The following FOXRED1 variants were observed in gnomAD, a reference collection of about 807,000 sequenced individuals.
FOXRED1 encodes FAD dependent oxidoreductase domain containing 1.
A neutral mutation model predicts 57.8 loss-of-function variants in FOXRED1; 52 were observed. That is an observed-to-expected ratio of 0.90 (90% confidence interval 0.72 to 1.13). FOXRED1 has a LOEUF of 1.13. Ranked by LOEUF, FOXRED1 falls within the 50% of genes most tolerant of loss-of-function variation. The pLI, the probability that FOXRED1 is intolerant of heterozygous loss-of-function variation, is 0.00. For missense variants in FOXRED1, 589 were observed against 625.2 expected (o/e 0.94, Z 0.62); for synonymous variants, 271 against 248.3 (o/e 1.09, Z -0.86).
At chr11:126,270,538 C>A (rs1235150360) in intron 1 of FOXRED1, among the ~76,000 whole-genome samples, 1 of 152,086 alleles carries the variant, frequency 6.6e-6, no homozygotes, top group Admixed American at 6.6e-5. Flanking sequence ...ATTAACTAGG[C>A]AAGGAAGTGG....
At position 126,274,250 on chromosome 11, in the gene FOXRED1, TC is replaced by T. The variant is rs1210813839; in HGVS notation, c.537-674del. 6.2e-6 allele frequency: 1 copy of T among 161,322 alleles called. No individual in the cohort carries two copies. Among genetic ancestry groups the T allele is most frequent in the Non-Finnish European group, 1.4e-5 (1 of 72,884 alleles). The allele number at this position is 161,322 out of a possible 1,614,324, so 10.0% of individuals were successfully genotyped here. Reference sequence around the variant, plus strand: ...GCTATGCTGCCTTTGAGGGACAGTGTCCCAGAGGAGATACCTGTGCTCAGGA... The same window carrying T: ...GCTATGCTGCCTTTGAGGGACAGTGTCCAGAGGAGATACCTGTGCTCAGGA... On this transcript the variant is annotated intron_variant, in intron 4 of 10. Coordinates refer to ENST00000263578, the MANE Select transcript of FOXRED1 (RefSeq NM_017547.4). This position sits in a 1 kb window ranked among gnomAD's most constrained non-coding sequence, Gnocchi z 4.8.
At position 126,276,105 on chromosome 11, in the gene FOXRED1, T is replaced by G; in HGVS notation, c.857T>G (p.Ile286Ser). Residue 286 changes from isoleucine to serine, a missense_variant, in exon 8 of 11, where the codon ATT becomes AGT. Physicochemically the swap from Ile to Ser is moderately radical, Grantham distance 142. Transcript: ENST00000263578. ...SLEYQPVECAIVINAAGAWSA... is the reference protein window; with the variant it reads ...SLEYQPVECASVINAAGAWSA... ...GAGTACCAGCCTGTGGAATGCGCCA[T>G]TGTGATCAACGCAGCCGGAGCCTGG... 1 of 1,612,718 alleles carries G rather than the reference T, an allele frequency of 6.2e-7. No homozygotes were observed. The highest frequency in any genetic ancestry group is 1.1e-5 in the South Asian group (1 of 91,044).
At position 126,277,967 on chromosome 11, in the gene FOXRED1, A is replaced by G. The variant is rs1362880559; in HGVS notation, c.*278A>G. On this transcript the variant is annotated 3_prime_UTR_variant, in exon 11 of 11. Coordinates refer to ENST00000263578, the MANE Select transcript of FOXRED1 (RefSeq NM_017547.4). This position sits in a 1 kb window ranked among gnomAD's most constrained non-coding sequence, Gnocchi z 6.8. Reference sequence around the variant, plus strand: ...TCTGGAGGCCTGAGCACCCTGGCCCAGGACTGGCTTCATCCTGGCACTGAC... The same window carrying G: ...TCTGGAGGCCTGAGCACCCTGGCCCGGGACTGGCTTCATCCTGGCACTGAC... 1.6e-6 allele frequency: 1 copy of G among 628,900 alleles called. No individual in the cohort carries two copies. Among genetic ancestry groups the G allele is most frequent in the Non-Finnish European group, 2.9e-6 (1 of 339,210 alleles). 39.0% of individuals were successfully genotyped at this position (628,900 alleles called of 1,614,324 possible).
rs554655060 is a variant in FOXRED1 at position 126,276,209 on chromosome 11, C to T, written c.961C>T (p.Pro321Ser). The T allele has an allele frequency of 4.5e-5, 69 of 1,528,868 alleles. 2 individuals carry two copies. The South Asian group carries it at 7.9e-4, about 18-fold the overall frequency. The allele number at this position is 1,528,868 out of a possible 1,614,324, so 94.7% of individuals were successfully genotyped here. Residue 321 changes from proline (P) to serine (S), a missense_variant, in exon 8 of 11, where the codon CCG becomes TCG. Coordinates refer to ENST00000263578, the MANE Select transcript of FOXRED1 (RefSeq NM_017547.4). ...TLQGTKLPVE[P>S]RKRYVYVWHC... ...GCAGGGCACCAAGCTACCTGTGGAG[C>T]CGAGGAAAAGGTAACTGCCCTCCGG...
In FOXRED1 at chr11:126,275,855, G is replaced by A. The variant is rs768300149; in HGVS notation, c.795G>A (p.Arg265=). The change falls in exon 7 of 11, where the codon AGG becomes AGA. Residue 265 remains arginine, a synonymous_variant. Coordinates refer to ENST00000263578, the MANE Select transcript of FOXRED1 (RefSeq NM_017547.4). This position sits in a 1 kb window ranked among gnomAD's most constrained non-coding sequence, Gnocchi z 5.9. ...TTDDKAVVLK[R]IHEVHVKMDR... ...ATGACAAAGCGGTGGTCTTGAAAAGGATCCATGAAGTCCATGTAAGTTTCT... is the reference window on the plus strand; with the variant it reads ...ATGACAAAGCGGTGGTCTTGAAAAGAATCCATGAAGTCCATGTAAGTTTCT... 1.9e-6 allele frequency: 3 copies of A among 1,611,106 alleles called. No homozygotes were observed. In the South Asian group the frequency reaches 3.3e-5, roughly 18 times the overall value.
rs770490102 is a variant in FOXRED1 at position 126,277,051 on chromosome 11, G to A, written c.1102-20G>A. On this transcript the variant is annotated intron_variant, in intron 9 of 10. Coordinates refer to ENST00000263578, the MANE Select transcript of FOXRED1 (RefSeq NM_017547.4). The surrounding 1 kb of genome is among the most constrained non-coding windows in gnomAD (Gnocchi z 6.8). ...TTGTGTCCCAGGCAATGTAAGCGTT[G>A]TCCCCACCTCTCACTCCAGCAGGAA... 4.7e-6 allele frequency: 7 copies of A among 1,480,532 alleles called. No homozygotes were observed. The South Asian group carries it at 7.9e-5, about 17-fold the overall frequency. The allele number at this position is 1,480,532 out of a possible 1,614,324, so 91.7% of individuals were successfully genotyped here. A position where few individuals can be genotyped will look rare whatever the true frequency, so the allele number is the denominator to read the frequency against.
Position 126,275,947 on chromosome 11 carries a change from C to A in FOXRED1, c.810+77C>A. On this transcript the variant is annotated intron_variant, in intron 7 of 10. Transcript: ENST00000263578. The surrounding 1 kb of genome is among the most constrained non-coding windows in gnomAD (Gnocchi z 5.9). Reference sequence around the variant, plus strand: ...TAGTGACTCTCCTTGTTTTGGTTTTCTTTGACCCACTTTCCAGTATGGGTA... The same window carrying A: ...TAGTGACTCTCCTTGTTTTGGTTTTATTTGACCCACTTTCCAGTATGGGTA... 6.4e-7 allele frequency: 1 copy of A among 1,568,236 alleles called. No homozygotes were observed. The highest frequency in any genetic ancestry group is 8.8e-7 in the Non-Finnish European group (1 of 1,138,908).
chr11:126,272,995 A>T lies in FOXRED1; in HGVS notation c.333A>T (p.Ser111=). 3 of 1,600,892 alleles carry T rather than the reference A, an allele frequency of 1.9e-6. No individual in the cohort carries two copies. The highest frequency in any genetic ancestry group is 2.6e-6 in the Non-Finnish European group (3 of 1,167,822). Residue 111 remains serine, a synonymous_variant, in exon 3 of 11, where the codon TCA becomes TCT. Coordinates refer to ENST00000263578, the MANE Select transcript of FOXRED1 (RefSeq NM_017547.4). This position sits in a 1 kb window ranked among gnomAD's most constrained non-coding sequence, Gnocchi z 4.6. The part of the protein sequence containing the change: ...HTYSQASTGL[S]VGGICQQFSL... Reference sequence around the variant, plus strand: ...ATTCACAGGCCTCCACTGGGCTCTCAGTAGGTGGGATTTGTCAGCAGTTCT... The same window carrying T: ...ATTCACAGGCCTCCACTGGGCTCTCTGTAGGTGGGATTTGTCAGCAGTTCT...
In FOXRED1 at chr11:126,275,372, G is replaced by A. The variant is rs1386118231; in HGVS notation, c.677G>A (p.Gly226Glu). ...GWFDPWCLLQGLRRKVQSLGV... is the reference protein window; with the variant it reads ...GWFDPWCLLQELRRKVQSLGV... The stretch of plus-strand genomic sequence containing the variant: ...TTTGACCCCTGGTGTCTGCTCCAGG[G>A]GCTTCGGCGAAAGGTCCAGTCCTTG... The change falls in exon 6 of 11, where the codon GGG becomes GAG. Residue 226 changes from glycine to glutamate, a missense_variant. Transcript: ENST00000263578. This position sits in a 1 kb window ranked among gnomAD's most constrained non-coding sequence, Gnocchi z 5.9. The A allele has an allele frequency of 6.2e-7, 1 of 1,613,996 alleles. No homozygotes were observed. Among genetic ancestry groups the A allele is most frequent in the African/African-American group, 1.3e-5 (1 of 75,006 alleles).
At chr11:126,276,317 G>GGTTGGGGAGGGTGTGT in intron 8 of FOXRED1, 77 bp from the exon 9 acceptor site, 1 of 795,718 alleles carries the variant, frequency 1.3e-6, no homozygotes, top group Non-Finnish European at 1.8e-6. Context: ...GTGTGTGTGG[G>GGTTGGGGAGGGTGTGT]GTGTGGGGTG....
rs1163555617 is a variant in FOXRED1 at position 126,275,636 on chromosome 11, G to A, written c.734-158G>A. The A allele has an allele frequency of 2.8e-6, 2 of 723,086 alleles. No individual in the cohort carries two copies. Among genetic ancestry groups the A allele is most frequent in the Admixed American group, 4.0e-5 (2 of 49,570 alleles). 44.8% of individuals were successfully genotyped at this position (723,086 alleles called of 1,614,324 possible). A position where few individuals can be genotyped will look rare whatever the true frequency, so the allele number is the denominator to read the frequency against. On this transcript the variant is annotated intron_variant, in intron 6 of 10. Coordinates refer to ENST00000263578, the MANE Select transcript of FOXRED1 (RefSeq NM_017547.4). This position sits in a 1 kb window ranked among gnomAD's most constrained non-coding sequence, Gnocchi z 5.9. ...CACCTGAGCACTGTCCTGTCAGAGTGTGGCCAAGCTCATGCCAGCTCCCTC... is the reference window on the plus strand; with the variant it reads ...CACCTGAGCACTGTCCTGTCAGAGTATGGCCAAGCTCATGCCAGCTCCCTC...
In FOXRED1 at chr11:126,271,962, CTTTTT is replaced by C. The variant is rs1168226778; in HGVS notation, c.306+318_306+322del. The C allele has an allele frequency of 2.4e-4, 71 of 299,048 alleles. No individual in the cohort carries two copies. Among genetic ancestry groups the C allele is most frequent in the South Asian group, 5.4e-4 (19 of 35,316 alleles). The allele number at this position is 299,048 out of a possible 1,614,324, so 18.5% of individuals were successfully genotyped here. Reference sequence around the variant, plus strand: ...CTATAATTAAGTGTCTCAATTTTCTCTTTTTTTTTTTTTTTTTGAGACAGAGTCTT... The same window carrying C: ...CTATAATTAAGTGTCTCAATTTTCTCTTTTTTTTTTTTGAGACAGAGTCTT... On this transcript the variant is annotated intron_variant, in intron 2 of 10. Coordinates refer to ENST00000263578, the MANE Select transcript of FOXRED1 (RefSeq NM_017547.4). The surrounding 1 kb of genome is among the most constrained non-coding windows in gnomAD (Gnocchi z 5.3).
In FOXRED1 at chr11:126,273,059, A is replaced by G; in HGVS notation, c.397A>G (p.Ser133Gly). The G allele has an allele frequency of 1.9e-6, 3 of 1,589,642 alleles. No homozygotes were observed. Among genetic ancestry groups the G allele is most frequent in the Non-Finnish European group, 2.6e-6 (3 of 1,157,668 alleles). ...ENIQLSLFSA[S>G]FLRNINEYLA... is the part of the protein sequence containing the mutation. Reference sequence around the variant, plus strand: ...CATCCAGCTCTCCCTCTTTTCAGCCAGCTTTCTACGGAACATCAATGTAGG... The same window carrying G: ...CATCCAGCTCTCCCTCTTTTCAGCCGGCTTTCTACGGAACATCAATGTAGG... Residue 133 changes from serine to glycine, a missense_variant, in exon 3 of 11, where the codon AGC (serine) becomes GGC (glycine). By Grantham distance (56) the Ser-to-Gly change is moderately conservative. Transcript: ENST00000263578. This position sits in a 1 kb window ranked among gnomAD's most constrained non-coding sequence, Gnocchi z 5.9.
In FOXRED1 at chr11:126,275,302, G is replaced by A; in HGVS notation, c.632-25G>A. 1 of 1,512,334 alleles carries A rather than the reference G, an allele frequency of 6.6e-7. No homozygotes were observed. The highest frequency in any genetic ancestry group is 1.1e-5 in the South Asian group (1 of 89,134). 93.7% of individuals were successfully genotyped at this position (1,512,334 alleles called of 1,614,324 possible). A position where few individuals can be genotyped will look rare whatever the true frequency, so the allele number is the denominator to read the frequency against. On this transcript the variant is annotated intron_variant, in intron 5 of 10. Coordinates refer to ENST00000263578, the MANE Select transcript of FOXRED1 (RefSeq NM_017547.4). This position sits in a 1 kb window ranked among gnomAD's most constrained non-coding sequence, Gnocchi z 5.9. ...AGAGCAGAAGTCCTCATCCCTCTTT[G>A]TGAGTTCTCTTTTTCTTATCACAGG...
Position 126,273,491 on chromosome 11 carries a change from C to A in FOXRED1, c.536+37C>A. ...GCACAGCCTCTTAGCTGCTTGGCAG[C>A]CAAAGGTGTTGGGTGACTCCTGCAC... On this transcript the variant is annotated intron_variant, in intron 4 of 10. Transcript: ENST00000263578. The surrounding 1 kb of genome is among the most constrained non-coding windows in gnomAD (Gnocchi z 5.9). 1.4e-6 allele frequency: 2 copies of A among 1,406,262 alleles called. No individual in the cohort carries two copies. Among genetic ancestry groups the A allele is most frequent in the Non-Finnish European group, 2.0e-6 (2 of 991,086 alleles). The allele number at this position is 1,406,262 out of a possible 1,614,324, so 87.1% of individuals were successfully genotyped here. A position where few individuals can be genotyped will look rare whatever the true frequency, so the allele number is the denominator to read the frequency against.
Position 126,276,118 on chromosome 11 carries a change from A to G in FOXRED1, c.870A>G (p.Ala290=), listed in dbSNP as rs755790428. Residue 290 remains alanine (A), a synonymous_variant, in exon 8 of 11, where the codon GCA becomes GCG. Transcript: ENST00000263578. ...QPVECAIVIN[A]AGAWSAQIAA... is the part of the protein sequence containing the mutation. ...TGGAATGCGCCATTGTGATCAACGC[A>G]GCCGGAGCCTGGTCTGCGCAAATCG... 1.2e-6 allele frequency: 2 copies of G among 1,612,738 alleles called. No homozygotes were observed. The highest frequency in any genetic ancestry group is 1.7e-6 in the Non-Finnish European group (2 of 1,179,950).
In FOXRED1 at chr11:126,277,796, C is replaced by A; in HGVS notation, c.*107C>A. 1 of 1,257,550 alleles carries A rather than the reference C, an allele frequency of 8.0e-7. No individual in the cohort carries two copies. Among genetic ancestry groups the A allele is most frequent in the Non-Finnish European group, 1.2e-6 (1 of 865,480 alleles). 77.9% of individuals were successfully genotyped at this position (1,257,550 alleles called of 1,614,324 possible). A position where few individuals can be genotyped will look rare whatever the true frequency, so the allele number is the denominator to read the frequency against. On this transcript the variant is annotated 3_prime_UTR_variant, in exon 11 of 11. Coordinates refer to ENST00000263578, the MANE Select transcript of FOXRED1 (RefSeq NM_017547.4). This position sits in a 1 kb window ranked among gnomAD's most constrained non-coding sequence, Gnocchi z 6.8. ...TACTGTGCCAGGCCTTCTCCCCCTC[C>A]CCAGTGTCCTCTCCTCTCAGGCAGG... is the stretch of plus-strand genomic sequence containing the variant.
At position 126,272,700 on chromosome 11, in the gene FOXRED1, C is replaced by T. The variant is rs533280523; in HGVS notation, c.307-269C>T. ...CCCAAATGGTAGGTCAAACGTTAAT[C>T]GCCTGCCCTTGGACTTCCAGGCCAT... is the stretch of plus-strand genomic sequence containing the variant. On this transcript the variant is annotated intron_variant, in intron 2 of 10. Coordinates refer to ENST00000263578, the MANE Select transcript of FOXRED1 (RefSeq NM_017547.4). The surrounding 1 kb of genome is among the most constrained non-coding windows in gnomAD (Gnocchi z 4.6). 5 of 554,866 alleles carry T rather than the reference C, an allele frequency of 9.0e-6. No homozygotes were observed. The highest frequency in any genetic ancestry group is 4.8e-4 in the Middle Eastern group (1 of 2,062). The allele number at this position is 554,866 out of a possible 1,614,324, so 34.4% of individuals were successfully genotyped here. A position where few individuals can be genotyped will look rare whatever the true frequency, so the allele number is the denominator to read the frequency against.
rs754754540 is a variant in FOXRED1, at chr11:126,276,459, G to A, written c.1037G>A (p.Ser346Asn). 7 of 1,608,972 alleles carry A rather than the reference G, an allele frequency of 4.4e-6. No individual in the cohort carries two copies. Among genetic ancestry groups the A allele is most frequent in the South Asian group, 1.1e-5 (1 of 91,000 alleles). ...GLETPLVADT[S>N]GAYFRREGLG... The stretch of plus-strand genomic sequence containing the variant: ...GAGACTCCGCTTGTTGCAGACACCA[G>A]TGGAGCCTATTTTCGCCGGGAAGGA... Residue 346 changes from serine (S) to asparagine (N), a missense_variant, in exon 9 of 11, where the codon AGT (serine) becomes AAT (asparagine). By Grantham distance (46) the Ser-to-Asn change is conservative (BLOSUM62 1). Coordinates refer to ENST00000263578, the MANE Select transcript of FOXRED1 (RefSeq NM_017547.4).
Sources: allele counts gnomAD v4.1 joint callset (sites outside exome capture counted in the v4.1 genomes callset), GRCh38; gene constraint gnomAD v4.1.1; non-coding constraint Gnocchi (gnomAD v3.1); transcripts MANE v1.5; gene names NCBI Gene and HGNC (gene_info 2026-07-23, HGNC 2026-07-21).